Variants in CDIN1 observed in about 807,000 individuals in gnomAD.
The protein encoded by CDIN1 is CDAN1 interacting nuclease 1.
A neutral mutation model predicts 45.3 loss-of-function variants in CDIN1; 33 were observed. That is an observed-to-expected ratio of 0.73 (90% CI 0.55 to 0.97). The LOEUF (loss-of-function observed/expected upper bound fraction) is 0.97, where lower values mean the gene tolerates loss of function less well. Among genes scored for constraint, CDIN1 ranks in the 50% least tolerant of loss-of-function variants. The pLI, the probability that CDIN1 is intolerant of heterozygous loss-of-function variation, is 0.00. For synonymous variants in CDIN1, 118 were observed against 124.4 expected (o/e 0.95, Z 0.34); for missense variants, 303 against 339.4 (o/e 0.89, Z 0.84).
At chr15:36,737,063 G>A (rs1791852167) in intron 10 of CDIN1, among the ~76,000 whole-genome samples, 1 of 151,864 alleles carries the variant, frequency 6.6e-6, no homozygotes, top group South Asian at 2.1e-4. Flanking sequence ...AGCTACTTGG[G>A]AGGCTGAGGC....
At chr15:36,649,242 G>A (rs1277450395) in intron 3 of CDIN1, among the ~76,000 whole-genome samples, 1 of 152,126 alleles carries the variant, frequency 6.6e-6, no homozygotes, top group Non-Finnish European at 1.5e-5. Context: ...GTTTGCTTCT[G>A]TCTCCAGCTA....
At chr15:36,702,000 G>A in intron 8 of CDIN1, 1 of 701,246 alleles carries the variant, frequency 1.4e-6, no homozygotes, top group East Asian at 2.7e-5. Context: ...GTGACAAACA[G>A]GGGATTATGA....
chr15:36,708,984 G>C (rs575415507), intron 8 of CDIN1: 1 of 346,580 alleles, frequency 2.9e-6, no homozygotes, highest in African/African-American at 2.1e-5. Flanking sequence ...GCTTGAACTC[G>C]TGATGTTTAT....
chr15:36,788,096 ATATATATATATTTTTTTTT>A (rs1233052475), intron 10 of CDIN1, among the ~76,000 whole-genome samples: 36 of 34,442 alleles, frequency 1.0e-3, no homozygotes, highest in African/African-American at 3.4e-3. Context: ...ATATATATAT[ATATATATATATTTTTTTTT>A]TTTTTTTTTT....
chr15:36,650,407 TTTATTTA>T (rs1566866867), intron 3 of CDIN1, among the ~76,000 whole-genome samples: 14 of 1,642 alleles, frequency 8.5e-3, no homozygotes, highest in African/African-American at 0.012. Flanking sequence ...AAAATTTTTA[TTTATTTA>T]TTTATTTATT....
At chr15:36,711,576 T>G (rs1394240762) in intron 10 of CDIN1, among the ~76,000 whole-genome samples, 1 of 152,206 alleles carries the variant, frequency 6.6e-6, no homozygotes, top group African/African-American at 2.4e-5. Flanking sequence ...TTATATCACT[T>G]TGTTGCATTC....
chr15:36,716,921 A>T (rs1032417558), intron 10 of CDIN1, among the ~76,000 whole-genome samples: 2 of 152,196 alleles, frequency 1.3e-5, no homozygotes, highest in African/African-American at 4.8e-5. Flanking sequence ...CTGCAGAGGC[A>T]GCACCTGAAC....
chr15:36,755,538 GTAA>G (rs770801997), intron 10 of CDIN1, among the ~76,000 whole-genome samples: 1 of 152,064 alleles, frequency 6.6e-6, no homozygotes, highest in Non-Finnish European at 1.5e-5. Flanking sequence ...GTAGTGCAGT[GTAA>G]TATACATTAA....
chr15:36,761,732 C>T (rs538690415), intron 10 of CDIN1, among the ~76,000 whole-genome samples: 24 of 152,290 alleles, frequency 1.6e-4, no homozygotes, highest in African/African-American at 5.5e-4. Flanking sequence ...ATGCCAGTTG[C>T]CTTTCCTGTT....
intron 5 of CDIN1, among the ~76,000 whole-genome samples, chr15:36,685,209 G>A (rs1462412298): frequency 1.3e-5 from 2 of 150,564 alleles, no homozygotes; most frequent in Non-Finnish European, 3.0e-5. Flanking sequence ...TTTCTCTTGT[G>A]GGCATTTAGT....
intron 1 of CDIN1, among the ~76,000 whole-genome samples, chr15:36,637,593 T>C (rs1173640275): frequency 6.6e-6 from 1 of 152,176 alleles, no homozygotes; most frequent in Non-Finnish European, 1.5e-5. Context: ...GCATGTCAGA[T>C]GGCCCAGAAT....
intron 5 of CDIN1, among the ~76,000 whole-genome samples, chr15:36,674,993 G>A (rs1415606933): frequency 1.3e-5 from 2 of 151,984 alleles, no homozygotes; most frequent in Non-Finnish European, 2.9e-5. Flanking sequence ...GTAGATTGCT[G>A]ACAGTACTTT....
intron 1 of CDIN1, chr15:36,626,824 G>C: frequency 3.8e-6 from 1 of 265,756 alleles, no homozygotes; most frequent in Non-Finnish European, 7.4e-6. Flanking sequence ...GGGTTGGGGA[G>C]GGTATTTGCA....
chr15:36,585,660 G>T (rs1268774777), intron 1 of CDIN1, among the ~76,000 whole-genome samples: 1 of 152,112 alleles, frequency 6.6e-6, no homozygotes, highest in Non-Finnish European at 1.5e-5. Flanking sequence ...GCCTTGGTTT[G>T]TGCTCAGGAG....
chr15:36,618,976 A>G (rs1595752616), intron 1 of CDIN1: 3 of 1,543,082 alleles, frequency 1.9e-6, no homozygotes, highest in Middle Eastern at 2.1e-4. Flanking sequence ...GAAGCCCCCT[A>G]AAGAGCCATC....
chr15:36,770,785 C>A (rs187368479), intron 10 of CDIN1, among the ~76,000 whole-genome samples: 1 of 152,144 alleles, frequency 6.6e-6, no homozygotes. Context: ...ATGTGTTTGG[C>A]CTCTAGGAGA....
chr15:36,694,918 C>G, intron 7 of CDIN1, among the ~76,000 whole-genome samples: 1 of 152,056 alleles, frequency 6.6e-6, no homozygotes, highest in East Asian at 1.9e-4. Context: ...GTGGGATGCC[C>G]CTAGTAATGA....
In CDIN1 at chr15:36,692,149, C is replaced by T. The variant is rs759116553; in HGVS notation, c.450C>T (p.Tyr150=). ...AGTGCATTGTGAACGACTGCTGTTA[C>T]GGACCACTAGTGGACTGCATCAAGC... ...VYQCIVNDCC[Y]GPLVDCIKHA... The change falls in exon 7 of 11, where the codon TAC becomes TAT. Residue 150 remains tyrosine, a synonymous_variant. Transcript: ENST00000566621. The T allele has an allele frequency of 1.5e-5, 24 of 1,613,654 alleles. No homozygotes were observed. Among genetic ancestry groups the T allele is most frequent in the South Asian group, 4.4e-5 (4 of 91,046 alleles).
intron 10 of CDIN1, among the ~76,000 whole-genome samples, chr15:36,802,150 C>T (rs1396042786): frequency 6.6e-6 from 1 of 152,112 alleles, no homozygotes; most frequent in Non-Finnish European, 1.5e-5. Flanking sequence ...GGCTTGGGTT[C>T]GAAACCTGGC....
Sources: gnomAD v4.1 joint callset for allele counts (sites outside exome capture counted in the v4.1 genomes callset) on GRCh38, gnomAD v4.1.1 for gene constraint, MANE v1.5 for transcripts, NCBI Gene and HGNC (gene_info 2026-07-23, HGNC 2026-07-21) for gene names.